BEND7: variants seen among roughly 807,000 people sequenced by gnomAD.
BEND7 encodes BEN domain-containing protein 7.
A neutral mutation model predicts 50.9 loss-of-function variants in BEND7; 28 were observed. The observed-to-expected ratio is 0.55, with a 90% confidence interval of 0.41 to 0.75. The LOEUF (loss-of-function observed/expected upper bound fraction) is 0.75. Ranked by LOEUF, BEND7 falls within the 30% of genes least tolerant of loss-of-function variation. The pLI is 0.00. For synonymous variants in BEND7, 170 were observed against 183.9 expected, an observed-to-expected ratio of 0.92 and a Z score of 0.61; for missense variants, 477 against 491.3, an observed-to-expected ratio of 0.97 and a Z score of 0.28.
intron 6 of BEND7, 152 bp from the exon 7 acceptor site, chr10:13,452,810 G>T (rs1838062849): frequency 4.2e-6 from 3 of 719,400 alleles, no homozygotes; most frequent in Admixed American, 3.4e-5. Flanking sequence ...ATATTTGTTT[G>T]GCAAAGATGG....
chr10:13,511,586 C>T (rs912744532), intron 2 of BEND7, among the ~76,000 whole-genome samples: 8 of 152,024 alleles, frequency 5.3e-5, no homozygotes, highest in Admixed American at 3.3e-4. Context: ...GGGTGTGGCA[C>T]GTTTTGTAAT....
intron 6 of BEND7, among the ~76,000 whole-genome samples, chr10:13,476,892 C>A (rs1001294930): frequency 1.3e-5 from 2 of 152,158 alleles, no homozygotes; most frequent in Non-Finnish European, 2.9e-5. Flanking sequence ...AAAACTCTTT[C>A]ATCAGCAATA....
chr10:13,496,941 A>AG, intron 3 of BEND7, 53 bp from the exon 4 acceptor site: 2 of 1,496,918 alleles, frequency 1.3e-6, no homozygotes, highest in Non-Finnish European at 8.8e-7. Flanking sequence ...AAAAAAAAAA[A>AG]AAAATCATAA....
chr10:13,519,134 GAA>G (rs1186743123), intron 2 of BEND7, among the ~76,000 whole-genome samples: 1 of 151,446 alleles, frequency 6.6e-6, no homozygotes, highest in Non-Finnish European at 1.5e-5. Context: ...GTAAGTGCCA[GAA>G]AAGAGTAATG....
intron 6 of BEND7, among the ~76,000 whole-genome samples, chr10:13,454,067 C>G (rs563928611): frequency 6.6e-6 from 1 of 152,194 alleles, no homozygotes; most frequent in African/African-American, 2.4e-5. Context: ...AGTTCCCCTT[C>G]AGGAAGCTAC....
intron 5 of BEND7, among the ~76,000 whole-genome samples, chr10:13,491,581 G>T (rs1372429245): frequency 6.9e-6 from 1 of 144,026 alleles, no homozygotes; most frequent in South Asian, 2.2e-4. Flanking sequence ...AAAAAAAAAA[G>T]AACCTTTAAC....
At chr10:13,509,320 C>T (rs538868062) in intron 2 of BEND7, among the ~76,000 whole-genome samples, 2 of 152,318 alleles carry the variant, frequency 1.3e-5, no homozygotes, top group South Asian at 2.1e-4. Context: ...AATCTTCTAT[C>T]CACCAAGATG....
At chr10:13,458,963 T>C (rs1839626101) in intron 6 of BEND7, among the ~76,000 whole-genome samples, 1 of 152,262 alleles carries the variant, frequency 6.6e-6, no homozygotes, top group Non-Finnish European at 1.5e-5. Flanking sequence ...GGGTTAGGTA[T>C]TGTGATCCTC....
chr10:13,475,612 T>C (rs183615658), intron 6 of BEND7, among the ~76,000 whole-genome samples: 244 of 152,346 alleles, frequency 1.6e-3, no homozygotes, highest in Non-Finnish European at 2.2e-3. Context: ...TATAGCTATA[T>C]TTTAAACAGA....
At chr10:13,447,969 C>T (rs1465501619) in intron 7 of BEND7, among the ~76,000 whole-genome samples, 4 of 152,096 alleles carry the variant, frequency 2.6e-5, no homozygotes, top group African/African-American at 9.7e-5. Context: ...TCGCCGGAAC[C>T]ACTCCTGGGG....
At chr10:13,468,749 G>C (rs11819134) in intron 6 of BEND7, among the ~76,000 whole-genome samples, 11,137 of 152,244 alleles carry the variant, frequency 0.073, 1,311 homozygotes, top group African/African-American at 0.24. Context: ...AGTTGATAGG[G>C]CCAGGTAATT....
At chr10:13,483,956 A>C (rs937092957) in intron 5 of BEND7, among the ~76,000 whole-genome samples, 1 of 152,164 alleles carries the variant, frequency 6.6e-6, no homozygotes, top group East Asian at 1.9e-4. Flanking sequence ...CTAACAACTA[A>C]GTATCTGGAA....
chr10:13,496,928 C>CAAAAAAA (rs5783327), intron 3 of BEND7, 40 bp from the exon 4 acceptor site: 8 of 1,133,388 alleles, frequency 7.1e-6, no homozygotes, highest in Non-Finnish European at 7.7e-6. Context: ...CCAAACAAAC[C>CAAAAAAA]AAAAAAAAAA....
At chr10:13,481,360 G>A (rs944577724) in intron 5 of BEND7, among the ~76,000 whole-genome samples, 1 of 152,148 alleles carries the variant, frequency 6.6e-6, no homozygotes, top group African/African-American at 2.4e-5. Flanking sequence ...GCAATGGAAA[G>A]AAAATAGCCA....
At chr10:13,450,070 T>C (rs1837339916) in intron 7 of BEND7, among the ~76,000 whole-genome samples, 1 of 152,222 alleles carries the variant, frequency 6.6e-6, no homozygotes, top group Non-Finnish European at 1.5e-5. Flanking sequence ...ATGATAAAAA[T>C]GCACACCAGG....
At chr10:13,439,879 C>T (rs1465859337), downstream of BEND7, among the ~76,000 whole-genome samples, 4 of 152,272 alleles carry the variant, frequency 2.6e-5, no homozygotes, top group African/African-American at 4.8e-5. Flanking sequence ...TGGCGCAAGG[C>T]TAGCACAGTT....
intron 2 of BEND7, among the ~76,000 whole-genome samples, chr10:13,507,232 T>G (rs1259982943): frequency 6.6e-6 from 1 of 152,164 alleles, no homozygotes; most frequent in East Asian, 1.9e-4. Flanking sequence ...TCCAAGCTGG[T>G]AAAGTGAGTC....
At chr10:13,468,663 C>T (rs1365069580) in intron 6 of BEND7, among the ~76,000 whole-genome samples, 1 of 152,078 alleles carries the variant, frequency 6.6e-6, no homozygotes, top group African/African-American at 2.4e-5. Context: ...ATTTCAAGGA[C>T]AGAGTGATGC....
At chr10:13,470,902 T>C (rs1297609067) in intron 6 of BEND7, among the ~76,000 whole-genome samples, 1 of 152,244 alleles carries the variant, frequency 6.6e-6, no homozygotes, top group African/African-American at 2.4e-5. Flanking sequence ...GGTCCACCAA[T>C]GAGCATGAGC....
Sources: allele counts gnomAD v4.1 joint callset (sites outside exome capture counted in the v4.1 genomes callset), GRCh38; gene constraint gnomAD v4.1.1; transcripts MANE v1.5; gene names NCBI Gene and HGNC (gene_info 2026-07-23, HGNC 2026-07-21).